Variants in CSMD1 observed in about 807,000 individuals in gnomAD.
The protein encoded by CSMD1 is CUB and sushi domain-containing protein 1.
CSMD1 carries 213 observed loss-of-function variants against 417.5 expected under a neutral mutation model. The observed-to-expected ratio is 0.51, with a 90% CI of 0.46 to 0.57. CSMD1 has a LOEUF of 0.57. Among genes scored for constraint, CSMD1 ranks in the 20% least tolerant of loss-of-function variants. The pLI is 0.00. For missense variants in CSMD1, 6,923 were observed against 4,529.7 expected, an observed-to-expected ratio of 1.53 and a Z score of -15.17; for synonymous variants, 2,862 against 1,736.8, an observed-to-expected ratio of 1.65 and a Z score of -16.11.
Position 3,106,646 on chromosome 8 carries a change from A to T in CSMD1, c.6836-5T>A. On this transcript the variant is annotated splice_polypyrimidine_tract_variant and splice_region_variant and intron_variant, in intron 45 of 69. Transcript: ENST00000635120. ...ACTGGTACTTCACAAAATCTCCTAG[A>T]AGAGTCAATGCAACAAACCAGGAAA... The T allele has an allele frequency of 6.3e-7, 1 of 1,591,102 alleles. No homozygotes were observed. Among genetic ancestry groups the T allele is most frequent in the Non-Finnish European group, 8.6e-7 (1 of 1,159,988 alleles).
At chr8:2,983,635 T>C (rs934751022) in intron 54 of CSMD1, among the ~76,000 whole-genome samples, 1 of 152,210 alleles carries the variant, frequency 6.6e-6, no homozygotes, top group Non-Finnish European at 1.5e-5. Flanking sequence ...GGCAAAAAAT[T>C]GTAAATCTAA....
intron 23 of CSMD1, among the ~76,000 whole-genome samples, chr8:3,341,987 C>A (rs1807687386): frequency 6.6e-6 from 1 of 152,116 alleles, no homozygotes; most frequent in African/African-American, 2.4e-5. Flanking sequence ...CTCTTTGAGA[C>A]ATTTCTGAGA....
intron 3 of CSMD1, among the ~76,000 whole-genome samples, chr8:4,392,645 G>A (rs775159205): frequency 2.8e-4 from 42 of 151,370 alleles, no homozygotes; most frequent in Non-Finnish European, 5.2e-4. Context: ...TTGGGGGGGA[G>A]GGTTATTATT....
At chr8:4,478,135 C>G (rs1800900619) in intron 2 of CSMD1, among the ~76,000 whole-genome samples, 1 of 152,156 alleles carries the variant, frequency 6.6e-6, no homozygotes, top group African/African-American at 2.4e-5. Flanking sequence ...AGGCCTAGTG[C>G]CTGTAACAGC....
At chr8:4,482,904 T>A (rs750694944) in intron 2 of CSMD1, among the ~76,000 whole-genome samples, 2 of 152,204 alleles carry the variant, frequency 1.3e-5, no homozygotes, top group Admixed American at 6.5e-5. Flanking sequence ...ATGTAAAATT[T>A]TCCAAATATA....
intron 4 of CSMD1, among the ~76,000 whole-genome samples, chr8:4,016,921 A>G (rs1042706009): frequency 1.6e-4 from 25 of 152,216 alleles, no homozygotes; most frequent in Admixed American, 2.0e-4. Context: ...CATAATCCCA[A>G]TTGTTGAAAT....
intron 2 of CSMD1, among the ~76,000 whole-genome samples, chr8:4,555,459 C>A (rs986853157): frequency 4.6e-5 from 7 of 152,094 alleles, no homozygotes; most frequent in African/African-American, 1.2e-4. Flanking sequence ...CCTCACAAAT[C>A]AGGGGGCGAT....
Position 3,838,695 on chromosome 8 carries a change from TAAA to T in CSMD1, c.819-84656_819-84654del, listed in dbSNP as rs1423698429. Among the ~76,000 whole-genome samples the T allele has an allele frequency of 5.4e-5, 4 of 74,278 alleles. 1 individual carries two copies. The highest frequency in any genetic ancestry group is 2.6e-4 in the African/African-American group (3 of 11,380). 48.7% of individuals were successfully genotyped at this position (74,278 alleles called of 152,430 possible). On this transcript the variant is annotated intron_variant, in intron 5 of 69. Transcript: ENST00000635120. ...TAATATTATATAGTATAATATATAA[TAAA>T]TATTATATAGTATAATATATAATAA...
chr8:3,398,153 T>A (rs1319643943), intron 16 of CSMD1, among the ~76,000 whole-genome samples: 1 of 152,130 alleles, frequency 6.6e-6, no homozygotes, highest in Admixed American at 6.5e-5. Context: ...GAATATAGGA[T>A]CACTACTTTT....
At chr8:4,857,369 G>A (rs1322795687) in intron 1 of CSMD1, among the ~76,000 whole-genome samples, 1 of 151,594 alleles carries the variant, frequency 6.6e-6, no homozygotes, top group Non-Finnish European at 1.5e-5. Context: ...AGAAAAGCAA[G>A]AGCAAACACA....
At chr8:3,525,835 G>GC (rs1226396965) in intron 10 of CSMD1, among the ~76,000 whole-genome samples, 2 of 148,250 alleles carry the variant, frequency 1.3e-5, no homozygotes, top group East Asian at 1.9e-4. Flanking sequence ...AAAATCAATA[G>GC]CCCCCCAGGT....
intron 5 of CSMD1, among the ~76,000 whole-genome samples, chr8:3,917,853 C>T (rs533689449): frequency 6.6e-6 from 1 of 152,062 alleles, no homozygotes; most frequent in South Asian, 2.1e-4. Context: ...GATCTACATG[C>T]TTAGAAATTT....
chr8:4,295,795 C>T (rs1479480931), intron 3 of CSMD1, among the ~76,000 whole-genome samples: 2 of 129,854 alleles, frequency 1.5e-5, no homozygotes, highest in African/African-American at 5.6e-5. Flanking sequence ...TATACACACA[C>T]ACATCTTGAG....
intron 3 of CSMD1, among the ~76,000 whole-genome samples, chr8:4,364,381 T>A (rs562829148): frequency 2.2e-4 from 34 of 152,340 alleles, no homozygotes; most frequent in South Asian, 4.1e-4. Flanking sequence ...CTTCAGTTCC[T>A]GTTTACTGTT....
Position 3,937,602 on chromosome 8 carries a change from G to A in CSMD1, c.818+60301C>T, listed in dbSNP as rs368233702. Among the ~76,000 whole-genome samples, 3 of 152,090 alleles carry A rather than the reference G, an allele frequency of 2.0e-5. No homozygotes were observed. The South Asian group carries it at 6.2e-4, about 32-fold the overall frequency. Reference sequence around the variant, plus strand: ...AAATATAACTTTAATATGCACTGGGGAACCCACAATATCATGTCACTTGCT... The same window carrying A: ...AAATATAACTTTAATATGCACTGGGAAACCCACAATATCATGTCACTTGCT... On this transcript the variant is annotated intron_variant, in intron 5 of 69. Transcript: ENST00000635120.
In CSMD1 at chr8:3,294,277, C is replaced by T. The variant is rs917713795; in HGVS notation, c.3951-9931G>A. On this transcript the variant is annotated intron_variant, in intron 25 of 69. Transcript: ENST00000635120. ...TTAGGCTACTCAGGGGTCAGGGACCCCCTTGAGGAGGCAGTCTGTCTGTTC... is the reference window on the plus strand; with the variant it reads ...TTAGGCTACTCAGGGGTCAGGGACCTCCTTGAGGAGGCAGTCTGTCTGTTC... 1.1e-4 allele frequency among the ~76,000 whole-genome samples: 17 copies of T among 152,244 alleles called. No homozygotes were observed. The East Asian group carries it at 2.9e-3, about 26-fold the overall frequency.
intron 5 of CSMD1, among the ~76,000 whole-genome samples, chr8:3,760,097 G>T (rs1563349764): frequency 1.3e-5 from 2 of 152,008 alleles, no homozygotes; most frequent in African/African-American, 4.8e-5. Context: ...AGGGGGTTGA[G>T]AAGTGAGAAA....
chr8:4,484,583 C>G (rs1020654421), intron 2 of CSMD1, among the ~76,000 whole-genome samples: 10 of 152,098 alleles, frequency 6.6e-5, no homozygotes, highest in African/African-American at 2.2e-4. Flanking sequence ...CTCGCTCTCT[C>G]AGGTATCAAC....
chr8:3,424,015 A>T (rs1355416009), intron 12 of CSMD1, among the ~76,000 whole-genome samples: 1 of 152,216 alleles, frequency 6.6e-6, no homozygotes, highest in Non-Finnish European at 1.5e-5. Context: ...TGGTCTCTCC[A>T]AGCTCTTCCG....
Sources: allele counts gnomAD v4.1 joint callset (sites outside exome capture counted in the v4.1 genomes callset), GRCh38; gene constraint gnomAD v4.1.1; transcripts MANE v1.5; gene names NCBI Gene and HGNC (gene_info 2026-07-23, HGNC 2026-07-21).